The following ATP2A2 variants were observed in gnomAD, a reference collection of about 807,000 sequenced individuals.
ATP2A2 encodes the protein ATPase sarcoplasmic/endoplasmic reticulum Ca2+ transporting 2, also known as sarcoplasmic/endoplasmic reticulum calcium ATPase 2.
ATP2A2 carries 14 observed loss-of-function variants against 109.3 expected under a neutral mutation model. That is an observed-to-expected ratio of 0.13 (90% CI 0.08 to 0.20). The LOEUF is 0.20. Among genes scored for constraint, ATP2A2 ranks in the 10% least tolerant of loss-of-function variants. The pLI is 1.00. For missense variants in ATP2A2, 657 were observed against 1,321.6 expected, an observed-to-expected ratio of 0.50 and a Z score of 7.80; for synonymous variants, 506 against 490.9, an observed-to-expected ratio of 1.03 and a Z score of -0.41.
chr12:110,297,606 GTTTT>G (rs1304801991), intron 5 of ATP2A2, among the ~76,000 whole-genome samples: 1 of 151,594 alleles, frequency 6.6e-6, no homozygotes, highest in Non-Finnish European at 1.5e-5. Flanking sequence ...GATTAGTGCT[GTTTT>G]TTTGTTTTGT....
Position 110,334,018 on chromosome 12 carries a change from G to A in ATP2A2, c.1294G>A (p.Gly432Ser). ...GTGCCTTTAACCAATACAGGCAAAG[G>A]GTGTGTATGAAAAAGTTGGAGAAGC... is the stretch of plus-strand genomic sequence containing the variant. The part of the protein sequence containing the change: ...DSALDYNEAK[G>S]VYEKVGEATE... Residue 432 changes from glycine (G) to serine (S), a missense_variant, in exon 11 of 20, where the codon GGT becomes AGT. Gly to Ser is a moderately conservative substitution (Grantham distance 56). Around this residue, in one of 9 missense-constraint regions of ATP2A2, gnomAD observed 180 missense variants for 329.1 expected, o/e 0.55. Transcript: ENST00000539276. 1.2e-6 allele frequency: 2 copies of A among 1,614,022 alleles called. No individual in the cohort carries two copies. The highest frequency in any genetic ancestry group is 1.7e-6 in the Non-Finnish European group (2 of 1,180,010).
At chr12:110,294,129 C>T (rs1267194507) in intron 4 of ATP2A2, among the ~76,000 whole-genome samples, 5 of 151,696 alleles carry the variant, frequency 3.3e-5, no homozygotes, top group South Asian at 2.1e-4. Context: ...CTGCAAGCTC[C>T]GCCTCCCGGG....
At chr12:110,322,414 G>A (rs541532918) in intron 5 of ATP2A2, among the ~76,000 whole-genome samples, 19 of 152,062 alleles carry the variant, frequency 1.2e-4, no homozygotes, top group Non-Finnish European at 1.8e-4. Context: ...GGTCAAGGGT[G>A]CAGTGAGCTG....
chr12:110,286,333 G>A (rs539064843), intron 3 of ATP2A2, among the ~76,000 whole-genome samples: 1 of 152,266 alleles, frequency 6.6e-6, no homozygotes, highest in South Asian at 2.1e-4. Context: ...AATACTCAAA[G>A]CATTTGATAC....
intron 5 of ATP2A2, among the ~76,000 whole-genome samples, chr12:110,301,936 TATG>T (rs1309609003): frequency 7.2e-5 from 11 of 152,210 alleles, no homozygotes; most frequent in Non-Finnish European, 1.5e-4. Context: ...GCACTGATCT[TATG>T]GTGGTGAAGC....
At chr12:110,333,630 A>AG (rs1225895264) in intron 10 of ATP2A2, among the ~76,000 whole-genome samples, 5 of 152,244 alleles carry the variant, frequency 3.3e-5, no homozygotes, top group Non-Finnish European at 5.9e-5. Flanking sequence ...AAGGTAAGCT[A>AG]GTCCCTGTCA....
chr12:110,314,201 G>A (rs1281761306), intron 5 of ATP2A2, among the ~76,000 whole-genome samples: 1 of 152,026 alleles, frequency 6.6e-6, no homozygotes, highest in Non-Finnish European at 1.5e-5. Flanking sequence ...GGTAGCGCTT[G>A]CCTGTAATCC....
chr12:110,343,509 T>G, intron 16 of ATP2A2, 75 bp downstream of exon 16: 2 of 1,541,182 alleles, frequency 1.3e-6, no homozygotes, highest in East Asian at 2.3e-5. Flanking sequence ...ATTCATCCCT[T>G]AAAAGCGTGT....
chr12:110,321,995 C>G (rs1458287952), intron 5 of ATP2A2, among the ~76,000 whole-genome samples: 1 of 147,252 alleles, frequency 6.8e-6, no homozygotes, highest in Non-Finnish European at 1.5e-5. Flanking sequence ...ATTGATATTT[C>G]TTTTTTTTTT....
chr12:110,292,210 C>T, intron 4 of ATP2A2, 86 bp downstream of exon 4: 2 of 1,010,734 alleles, frequency 2.0e-6, no homozygotes, highest in Non-Finnish European at 3.1e-6. Context: ...TCTGTTTTTC[C>T]TGATGTGTTG....
rs1361877077 is a variant in ATP2A2, at chr12:110,344,984, CT to C, written c.2607+16del. ...CTTCTACCAGCTGGTACTCAGTCAC[CT>C]TTCTTTCTGTACCTTACATGAGAAG... is the stretch of plus-strand genomic sequence containing the variant. On this transcript the variant is annotated intron_variant, in intron 17 of 19. Coordinates refer to ENST00000539276, the MANE Select transcript of ATP2A2 (RefSeq NM_170665.4). The C allele has an allele frequency of 6.2e-7, 1 of 1,613,192 alleles. No homozygotes were observed. The highest frequency in any genetic ancestry group is 8.5e-7 in the Non-Finnish European group (1 of 1,179,274).
chr12:110,326,435 C>G lies in ATP2A2; in HGVS notation c.590C>G (p.Pro197Arg). 1 of 1,614,042 alleles carries G rather than the reference C, an allele frequency of 6.2e-7. No homozygotes were observed. Among genetic ancestry groups the G allele is most frequent in the East Asian group, 2.2e-5 (1 of 44,886 alleles). The change falls in exon 7 of 20, where the codon CCA (proline) becomes CGA (arginine). Residue 197 changes from proline (P) to arginine (R), a missense_variant. Around this residue, in one of 9 missense-constraint regions of ATP2A2, gnomAD observed 136 missense variants for 343.9 expected, o/e 0.40. Transcript: ENST00000539276. The stretch of plus-strand genomic sequence containing the variant: ...AAGCACACTGATCCCGTCCCTGACC[C>G]ACGAGCTGTCAACCAAGATAAAAAG... Reference protein sequence around the residue: ...VIKHTDPVPDPRAVNQDKKNM... With the variant: ...VIKHTDPVPDRRAVNQDKKNM...
At chr12:110,314,689 C>G (rs115609848) in intron 5 of ATP2A2, among the ~76,000 whole-genome samples, 186 of 152,254 alleles carry the variant, frequency 1.2e-3, no homozygotes, top group African/African-American at 4.4e-3. Context: ...AATTAGTAAC[C>G]TGTGAAGCTG....
In ATP2A2 at chr12:110,350,628, A is replaced by G; in HGVS notation, c.*4158A>G. 4.5e-6 allele frequency: 2 copies of G among 447,198 alleles called. No homozygotes were observed. The highest frequency in any genetic ancestry group is 4.1e-6 in the Non-Finnish European group (1 of 246,640). 27.7% of individuals were successfully genotyped at this position (447,198 alleles called of 1,614,324 possible). A position where few individuals can be genotyped will look rare whatever the true frequency, so the allele number is the denominator to read the frequency against. ...TGGAAGCCGTCAGCCAAGTCGCCAC[A>G]TTTCTCTGCAAAATGTCATAGCTTA... On this transcript the variant is annotated 3_prime_UTR_variant, in exon 20 of 20. Transcript: ENST00000539276.
intron 5 of ATP2A2, among the ~76,000 whole-genome samples, chr12:110,318,824 C>T (rs1467639564): frequency 2.0e-5 from 3 of 152,112 alleles, no homozygotes; most frequent in Non-Finnish European, 4.4e-5. Flanking sequence ...CTACAAAGAT[C>T]AGTTTCTAAT....
intron 11 of ATP2A2, among the ~76,000 whole-genome samples, chr12:110,334,702 C>T (rs950603353): frequency 6.6e-6 from 1 of 151,636 alleles, no homozygotes; most frequent in Admixed American, 6.6e-5. Context: ...ATTCTCCTGC[C>T]TTAGCCTCCC....
rs567102206 is a variant in ATP2A2, at chr12:110,336,460, G to C, written c.1419+2317G>C. On this transcript the variant is annotated intron_variant, in intron 11 of 19. Coordinates refer to ENST00000539276, the MANE Select transcript of ATP2A2 (RefSeq NM_170665.4). ...AAATGAGGAGGCATTGTGTCATTGG[G>C]GGGTAGTACAGCCTGAGTTGGGAGG... Among the ~76,000 whole-genome samples the C allele has an allele frequency of 1.4e-4, 22 of 152,262 alleles. No homozygotes were observed. The East Asian group carries it at 2.1e-3, about 15-fold the overall frequency.
intron 1 of ATP2A2, among the ~76,000 whole-genome samples, chr12:110,282,358 T>C (rs575232971): frequency 6.6e-6 from 1 of 152,164 alleles, no homozygotes; most frequent in Non-Finnish European, 1.5e-5. Flanking sequence ...CCCGAAGTGA[T>C]TTCACGCTTA....
At chr12:110,315,769 C>T (rs759668180) in intron 5 of ATP2A2, among the ~76,000 whole-genome samples, 3 of 152,140 alleles carry the variant, frequency 2.0e-5, no homozygotes, top group Non-Finnish European at 4.4e-5. Flanking sequence ...GGTGAAACCC[C>T]ATCTCTACTA....
Sources: allele counts gnomAD v4.1 joint callset (sites outside exome capture counted in the v4.1 genomes callset), GRCh38; gene constraint gnomAD v4.1.1; regional missense constraint gnomAD v4.1.1; transcripts MANE v1.5; gene names NCBI Gene and HGNC (gene_info 2026-07-23, HGNC 2026-07-21).